The following ABL2 variants were observed in gnomAD, a reference collection of about 807,000 sequenced individuals.
ABL2 encodes tyrosine-protein kinase ABL2.
ABL2 carries 49 observed loss-of-function variants against 107.7 expected under a neutral mutation model. That is an observed-to-expected ratio of 0.45 (90% CI 0.36 to 0.58). ABL2 has a LOEUF of 0.58. Among genes scored for constraint, ABL2 ranks in the 20% least tolerant of loss-of-function variants. The probability of loss-of-function intolerance (pLI) is 0.00; values close to 1 mark genes in which losing one functional copy is unlikely to be tolerated. For missense variants in ABL2, 1,245 were observed against 1,457.0 expected, an observed-to-expected ratio of 0.85 and a Z score of 2.37; for synonymous variants, 549 against 548.6, an observed-to-expected ratio of 1.00 and a Z score of -0.01.
At chr1:179,184,505 C>A (rs1660571714) in intron 1 of ABL2, 7 of 714,830 alleles carry the variant, frequency 9.8e-6, no homozygotes, top group Non-Finnish European at 4.7e-6. Flanking sequence ...TCAAAGATGA[C>A]ATTTGTCCCA....
intron 1 of ABL2, among the ~76,000 whole-genome samples, chr1:179,143,687 T>C (rs999793771): frequency 9.9e-5 from 15 of 152,216 alleles, no homozygotes; most frequent in Non-Finnish European, 1.5e-5. Flanking sequence ...TATTTACTTA[T>C]TTATTTTTAT....
chr1:179,148,194 A>AC (rs1658135212), intron 1 of ABL2, among the ~76,000 whole-genome samples: 1 of 150,860 alleles, frequency 6.6e-6, no homozygotes, highest in Admixed American at 6.6e-5. Flanking sequence ...GTGTGCCATC[A>AC]CCCCCGGCTA....
intron 10 of ABL2, 65 bp downstream of exon 10, chr1:179,112,244 C>T: frequency 1.4e-6 from 2 of 1,390,656 alleles, no homozygotes; most frequent in Admixed American, 1.8e-5. Context: ...AATGTAATTA[C>T]CATTATCACC....
Position 179,110,281 on chromosome 1 carries a change from C to A in ABL2, c.1825+1G>T, listed in dbSNP as rs56004467. The A allele has an allele frequency of 1.2e-6, 2 of 1,614,072 alleles. No homozygotes were observed. Among genetic ancestry groups the A allele is most frequent in the African/African-American group, 2.7e-5 (2 of 74,938 alleles). On this transcript the variant is annotated splice_donor_variant, in intron 11 of 11. Coordinates refer to ENST00000502732, the MANE Select transcript of ABL2 (RefSeq NM_007314.4). LOFTEE classifies it high-confidence loss of function. ...GATTCTACCTGCTAAGGGACCCATA[C>A]CTGGTGCTAAACTGGAAGCAGAATT...
Position 179,156,739 on chromosome 1 carries a change from C to T in ABL2, c.158-23365G>A, listed in dbSNP as rs537727023. On this transcript the variant is annotated intron_variant, in intron 1 of 11. Transcript: ENST00000502732. ...AAAAACATACAAAAAATTAGCTTGG[C>T]GTGGTGGTGGCACCTGTAGTCCCGG... Among the ~76,000 whole-genome samples, 422 of 151,962 alleles carry T rather than the reference C, an allele frequency of 2.8e-3. 1 individual carries two copies. The highest frequency in any genetic ancestry group is 9.0e-3 in the African/African-American group (374 of 41,446).
intron 1 of ABL2, among the ~76,000 whole-genome samples, chr1:179,169,476 A>G (rs1429663615): frequency 6.6e-6 from 1 of 151,672 alleles, no homozygotes; most frequent in Non-Finnish European, 1.5e-5. Context: ...TGAACCCGGG[A>G]GGCAGAGCTT....
intron 1 of ABL2, among the ~76,000 whole-genome samples, chr1:179,225,380 G>A (rs370132363): frequency 1.3e-5 from 2 of 152,074 alleles, no homozygotes; most frequent in African/African-American, 2.4e-5. Context: ...GAAATTATGT[G>A]CTAATACCTC....
At chr1:179,133,694 A>G (rs967902061) in intron 1 of ABL2, among the ~76,000 whole-genome samples, 4 of 152,210 alleles carry the variant, frequency 2.6e-5, no homozygotes, top group African/African-American at 9.6e-5. Flanking sequence ...TCCATGAGGA[A>G]TATGTTCCAA....
At chr1:179,151,418 T>C (rs1297559563) in intron 1 of ABL2, among the ~76,000 whole-genome samples, 1 of 152,212 alleles carries the variant, frequency 6.6e-6, no homozygotes, top group Non-Finnish European at 1.5e-5. Context: ...TTGCCTAAAA[T>C]AGCAATTGTT....
chr1:179,198,715 A>C (rs1430478182), intron 1 of ABL2, among the ~76,000 whole-genome samples: 2 of 151,096 alleles, frequency 1.3e-5, no homozygotes, highest in African/African-American at 4.9e-5. Context: ...AAAAAAAAAA[A>C]ACAAAGCCAC....
chr1:179,120,100 A>T, intron 6 of ABL2, 90 bp downstream of exon 6: 1 of 805,820 alleles, frequency 1.2e-6, no homozygotes, highest in South Asian at 2.1e-5. Context: ...TCTATATTTA[A>T]AAAGAAAAAA....
At chr1:179,214,752 T>A (rs1164188321) in intron 1 of ABL2, among the ~76,000 whole-genome samples, 1 of 151,836 alleles carries the variant, frequency 6.6e-6, no homozygotes, top group Non-Finnish European at 1.5e-5. Flanking sequence ...TATTCATCAA[T>A]AAGAAAGTGG....
intron 1 of ABL2, among the ~76,000 whole-genome samples, chr1:179,225,526 T>C (rs1049171745): frequency 2.0e-5 from 3 of 152,202 alleles, no homozygotes; most frequent in African/African-American, 7.2e-5. Context: ...TCAGAATCTA[T>C]CACATTTCTA....
chr1:179,178,644 C>CT (rs1237465492), intron 1 of ABL2, among the ~76,000 whole-genome samples: 2 of 152,106 alleles, frequency 1.3e-5, no homozygotes, highest in African/African-American at 4.8e-5. Flanking sequence ...AATTCCAGCA[C>CT]TTTGGGAGGC....
At chr1:179,219,756 A>C (rs78203690) in intron 1 of ABL2, among the ~76,000 whole-genome samples, 6 of 152,372 alleles carry the variant, frequency 3.9e-5, no homozygotes, top group African/African-American at 1.4e-4. Flanking sequence ...AAGTCCTCTA[A>C]TAAGAGTAGC....
At chr1:179,184,397 T>A (rs1055044205) in intron 1 of ABL2, 13 of 934,148 alleles carry the variant, frequency 1.4e-5, no homozygotes, top group Admixed American at 7.1e-5. Flanking sequence ...AAACACAGAA[T>A]AAAGCCAGCA....
chr1:179,162,530 A>G (rs1352099473), intron 1 of ABL2, among the ~76,000 whole-genome samples: 2 of 152,222 alleles, frequency 1.3e-5, no homozygotes, highest in Non-Finnish European at 2.9e-5. Context: ...GGTTGCAGTG[A>G]GCCGAGATCA....
At chr1:179,135,123 C>T (rs544718367) in intron 1 of ABL2, among the ~76,000 whole-genome samples, 9 of 152,266 alleles carry the variant, frequency 5.9e-5, no homozygotes, top group African/African-American at 2.2e-4. Flanking sequence ...CCCAAAGTGC[C>T]GAGATTGCAG....
At chr1:179,227,151 T>G (rs192021328) in intron 1 of ABL2, among the ~76,000 whole-genome samples, 1 of 152,226 alleles carries the variant, frequency 6.6e-6, no homozygotes, top group Non-Finnish European at 1.5e-5. Context: ...TATCAAAATT[T>G]TCTTTCTACT....
Sources: allele counts gnomAD v4.1 joint callset (sites outside exome capture counted in the v4.1 genomes callset), GRCh38; gene constraint gnomAD v4.1.1; transcripts MANE v1.5; gene names NCBI Gene and HGNC (gene_info 2026-07-23, HGNC 2026-07-21).